The following PHF21B variants were observed in gnomAD, a reference collection of about 807,000 sequenced individuals.
PHF21B encodes the protein PHD finger protein 4.
A neutral mutation model predicts 62.2 loss-of-function variants in PHF21B; 22 were observed. The ratio of observed to expected loss-of-function variants is 0.35; its 90% confidence interval spans 0.25 to 0.51. The LOEUF (loss-of-function observed/expected upper bound fraction) is 0.51, where lower values mean the gene tolerates loss of function less well. Among genes scored for constraint, PHF21B ranks in the 20% least tolerant of loss-of-function variants. The pLI is 0.97. For missense variants in PHF21B, 701 were observed against 707.9 expected, an observed-to-expected ratio of 0.99 and a Z score of 0.11; for synonymous variants, 341 against 314.7, an observed-to-expected ratio of 1.08 and a Z score of -0.88.
Position 45,008,581 on chromosome 22 carries a change from T to C in PHF21B, c.84A>G (p.Glu28=), listed in dbSNP as rs1056842945. Residue 28 remains glutamate, a synonymous_variant, in exon 2 of 13, where the codon GAA becomes GAG. Coordinates refer to ENST00000313237, the MANE Select transcript of PHF21B (RefSeq NM_138415.5). The stretch of plus-strand genomic sequence containing the variant: ...TGAGCGCGGCGATCCGCGGCTGCCT[T>C]TCGTGGAGCTGCTTCTTGAGGTCGC... ...QNGDLKKQLH[E]RQPRIAALSD... is the part of the protein sequence containing the mutation. 6.3e-7 allele frequency: 1 copy of C among 1,590,238 alleles called. No homozygotes were observed. The highest frequency in any genetic ancestry group is 1.3e-5 in the African/African-American group (1 of 74,674).
chr22:44,989,560 A>G (rs1380405019), intron 2 of PHF21B: 1 of 150,632 alleles, frequency 6.6e-6, no homozygotes, highest in Non-Finnish European at 1.5e-5. Context: ...AAGAAAACAC[A>G]TCACTATAAT....
At chr22:44,917,390 C>T (rs2071457184) in intron 3 of PHF21B, among the ~76,000 whole-genome samples, 1 of 152,176 alleles carries the variant, frequency 6.6e-6, no homozygotes, top group Admixed American at 6.5e-5. Flanking sequence ...CCCCCACACC[C>T]AGCAGAGTGT....
At chr22:44,977,404 A>C (rs1458580747) in intron 2 of PHF21B, among the ~76,000 whole-genome samples, 1 of 152,088 alleles carries the variant, frequency 6.6e-6, no homozygotes, top group Non-Finnish European at 1.5e-5. Flanking sequence ...ATCTTTACTA[A>C]AAATACAAAA....
At chr22:44,911,306 T>G (rs1256914615) in intron 5 of PHF21B, among the ~76,000 whole-genome samples, 2 of 152,106 alleles carry the variant, frequency 1.3e-5, no homozygotes, top group South Asian at 2.1e-4. Context: ...TGCAGAAATT[T>G]GCATAAGTAA....
intron 2 of PHF21B, among the ~76,000 whole-genome samples, chr22:44,962,436 T>C (rs1368054245): frequency 1.3e-5 from 2 of 152,242 alleles, no homozygotes; most frequent in Admixed American, 6.5e-5. Context: ...ACACCTAACA[T>C]TGGCACGGCT....
chr22:44,980,486 C>T (rs2072820658), intron 2 of PHF21B, among the ~76,000 whole-genome samples: 1 of 152,220 alleles, frequency 6.6e-6, no homozygotes, highest in East Asian at 1.9e-4. Context: ...GGATGCAGCA[C>T]AGGCCACATC....
intron 2 of PHF21B, chr22:44,969,307 G>A (rs1052610804): frequency 1.3e-5 from 2 of 152,272 alleles, no homozygotes; most frequent in Middle Eastern, 3.2e-3. Context: ...GGCCTGGAAA[G>A]GCGCTTGAGC....
chr22:44,946,140 G>C (rs2072064608), intron 2 of PHF21B, among the ~76,000 whole-genome samples: 1 of 152,198 alleles, frequency 6.6e-6, no homozygotes, highest in Admixed American at 6.5e-5. Context: ...GCTGGAGCCA[G>C]AGTGGTCACG....
At chr22:44,930,298 A>G (rs997757153) in intron 2 of PHF21B, among the ~76,000 whole-genome samples, 2 of 152,190 alleles carry the variant, frequency 1.3e-5, no homozygotes, top group African/African-American at 4.8e-5. Context: ...TATTGCCTCT[A>G]CCGTGTACTA....
At chr22:44,887,879 T>G in intron 10 of PHF21B, 84 bp downstream of exon 10, 1 of 1,306,496 alleles carries the variant, frequency 7.7e-7, no homozygotes, top group Non-Finnish European at 9.8e-7. Context: ...AGCCCCTTTT[T>G]TCACCCCTCC....
Position 44,916,402 on chromosome 22 carries a change from C to G in PHF21B, c.442G>C (p.Val148Leu), listed in dbSNP as rs1213301212. 2 of 1,598,176 alleles carry G rather than the reference C, an allele frequency of 1.3e-6. No homozygotes were observed. The highest frequency in any genetic ancestry group is 2.2e-5 in the East Asian group (1 of 44,790). The change falls in exon 4 of 13, where the codon GTG becomes CTG. Residue 148 changes from valine (V) to leucine (L), a missense_variant. Val to Leu is a conservative substitution (Grantham distance 32). Transcript: ENST00000313237. ...GAGGTGGAGATGATGGCGTAGGCCACCCCCGCACTGCTCAGCGGAGAGGCG... is the reference window on the plus strand; with the variant it reads ...GAGGTGGAGATGATGGCGTAGGCCAGCCCCGCACTGCTCAGCGGAGAGGCG... ...ALASPLSSAG[V>L]AYAIISTSPS... is the part of the protein sequence containing the mutation.
At chr22:44,923,964 T>C (rs1249738817) in intron 2 of PHF21B, among the ~76,000 whole-genome samples, 4 of 150,890 alleles carry the variant, frequency 2.7e-5, no homozygotes, top group Admixed American at 2.0e-4. Flanking sequence ...TGAGCCATGA[T>C]TGCACCACTG....
intron 2 of PHF21B, 199 bp downstream of exon 2, chr22:45,008,346 C>T (rs1409825583): frequency 2.8e-5 from 13 of 462,546 alleles, no homozygotes; most frequent in East Asian, 3.7e-5. Context: ...CCCGCAGGGC[C>T]CGGCTCTCCC....
At chr22:44,896,179 C>T (rs2071054447) in intron 5 of PHF21B, 96 bp from the exon 6 acceptor site, 15 of 1,367,426 alleles carry the variant, frequency 1.1e-5, no homozygotes, top group Admixed American at 3.4e-5. Context: ...AGGGCGATAC[C>T]TCATGGGTGC....
rs907258662 is a variant in PHF21B, at chr22:44,970,891, T to G, written c.120+37654A>C. ...ACTAGCAGAAAATGGGGGGTGGCTC[T>G]TCGTCTGTTTTGCCTCTATTTCTTC... On this transcript the variant is annotated intron_variant, in intron 2 of 12. Coordinates refer to ENST00000313237, the MANE Select transcript of PHF21B (RefSeq NM_138415.5). 3.3e-5 allele frequency: 5 copies of G among 152,278 alleles called. No homozygotes were observed. The South Asian group carries it at 8.3e-4, about 25-fold the overall frequency. 9.4% of individuals were successfully genotyped at this position (152,278 alleles called of 1,614,324 possible). A position where few individuals can be genotyped will look rare whatever the true frequency, so the allele number is the denominator to read the frequency against.
chr22:44,946,696 C>T (rs1008920767), intron 2 of PHF21B, among the ~76,000 whole-genome samples: 1 of 152,116 alleles, frequency 6.6e-6, no homozygotes, highest in South Asian at 2.1e-4. Context: ...AGAAGACTCT[C>T]CTGCCTCATG....
At chr22:44,953,759 G>T (rs1434116826) in intron 2 of PHF21B, among the ~76,000 whole-genome samples, 4 of 152,158 alleles carry the variant, frequency 2.6e-5, no homozygotes, top group Non-Finnish European at 4.4e-5. Flanking sequence ...AGCAAGCATG[G>T]CTTATAAAAT....
intron 2 of PHF21B, among the ~76,000 whole-genome samples, chr22:44,955,177 A>G (rs940945666): frequency 1.3e-5 from 2 of 152,148 alleles, no homozygotes; most frequent in African/African-American, 4.8e-5. Context: ...CCACAGCAAC[A>G]CCACCAGCCC....
At chr22:45,008,631 G>C in intron 1 of PHF21B, 21 bp from the exon 2 acceptor site, 1 of 1,567,492 alleles carries the variant, frequency 6.4e-7, no homozygotes, top group Non-Finnish European at 8.6e-7. Flanking sequence ...ACGGAGGAGC[G>C]GGCTCAGGCA....
Sources: gnomAD v4.1 joint callset for allele counts (sites outside exome capture counted in the v4.1 genomes callset) on GRCh38, gnomAD v4.1.1 for gene constraint, MANE v1.5 for transcripts, NCBI Gene and HGNC (gene_info 2026-07-23, HGNC 2026-07-21) for gene names.